The following TP63 variants were observed in gnomAD, a reference collection of about 807,000 sequenced individuals.
TP63 encodes the protein tumor protein p63.
TP63 carries 17 observed loss-of-function variants against 82.8 expected under a neutral mutation model. That is an observed-to-expected ratio of 0.21 (90% CI 0.14 to 0.31). TP63 has a LOEUF of 0.31. Ranked by LOEUF, TP63 falls within the 10% of genes least tolerant of loss-of-function variation. The pLI is 1.00. For missense variants in TP63, 648 were observed against 895.3 expected (o/e 0.72, Z 3.52); for synonymous variants, 330 against 321.7 (o/e 1.03, Z -0.28).
At chr3:189,679,716 T>C (rs982120974) in intron 1 of TP63, among the ~76,000 whole-genome samples, 1 of 152,160 alleles carries the variant, frequency 6.6e-6, no homozygotes, top group African/African-American at 2.4e-5. Context: ...CAGACTAATA[T>C]AAAGAAGACT....
chr3:189,690,860 CAT>C (rs763661280), intron 1 of TP63, among the ~76,000 whole-genome samples: 3 of 152,150 alleles, frequency 2.0e-5, no homozygotes, highest in South Asian at 2.1e-4. Flanking sequence ...CATATTTCCA[CAT>C]GTTTGGAGTT....
chr3:189,613,928 C>A, the TP63 span, among the ~76,000 whole-genome samples: 2 of 152,176 alleles, frequency 1.3e-5, no homozygotes, highest in Admixed American at 6.5e-5. Context: ...CCCATTGCAT[C>A]TAGGAAGTAA....
chr3:189,814,912 T>A (rs762248278), intron 4 of TP63, among the ~76,000 whole-genome samples: 4 of 152,220 alleles, frequency 2.6e-5, no homozygotes, highest in Non-Finnish European at 5.9e-5. Flanking sequence ...AACATTAAAC[T>A]GATCTTGATT....
At chr3:189,882,767 T>C (rs1720064037) in intron 10 of TP63, among the ~76,000 whole-genome samples, 1 of 152,182 alleles carries the variant, frequency 6.6e-6, no homozygotes, top group Non-Finnish European at 1.5e-5. Context: ...AAAACCTGAT[T>C]TGAAGTCCTA....
At chr3:189,770,032 T>TA (rs1366879804) in intron 3 of TP63, among the ~76,000 whole-genome samples, 2 of 152,234 alleles carry the variant, frequency 1.3e-5, no homozygotes, top group Admixed American at 6.5e-5. Flanking sequence ...GTGTTAAACA[T>TA]ATTATAAAGC....
intron 1 of TP63, among the ~76,000 whole-genome samples, chr3:189,733,964 TTTG>T (rs909823635): frequency 5.3e-5 from 8 of 152,166 alleles, no homozygotes; most frequent in Admixed American, 2.6e-4. Flanking sequence ...CCAATTTAAC[TTTG>T]TTAATTCCTT....
At chr3:189,852,115 G>A (rs1715710561) in intron 4 of TP63, among the ~76,000 whole-genome samples, 1 of 152,144 alleles carries the variant, frequency 6.6e-6, no homozygotes, top group Non-Finnish European at 1.5e-5. Context: ...AAAAGAGGAG[G>A]CAGAATTTAA....
chr3:189,816,548 A>T (rs556612906), intron 4 of TP63, among the ~76,000 whole-genome samples: 2 of 151,988 alleles, frequency 1.3e-5, no homozygotes, highest in East Asian at 1.9e-4. Flanking sequence ...ATATATAAAA[A>T]CCCCCTGGTT....
rs538054726 is a variant in TP63, at chr3:189,757,058, C to T, written c.324+18284C>T. ...TCCTTTGGCAAAATATGCATACATA[C>T]ATATATATATAGTTTCAATCTGTAA... is the stretch of plus-strand genomic sequence containing the variant. On this transcript the variant is annotated intron_variant, in intron 3 of 13. Transcript: ENST00000264731. Among the ~76,000 whole-genome samples, 4 of 152,156 alleles carry T rather than the reference C, an allele frequency of 2.6e-5. 1 individual carries two copies. In the East Asian group the frequency reaches 7.7e-4, roughly 29 times the overall value.
In TP63 at chr3:189,870,969, G is replaced by T. The variant is rs564428151; in HGVS notation, c.1212+1563G>T. On this transcript the variant is annotated intron_variant, in intron 9 of 13. Coordinates refer to ENST00000264731, the MANE Select transcript of TP63 (RefSeq NM_003722.5). ...AAATTGCCAGTAGACCAATCAGACG[G>T]TGAGTTAGCTGAGATTCCCAGTGTC... Among the ~76,000 whole-genome samples the T allele has an allele frequency of 2.6e-5, 4 of 152,262 alleles. No homozygotes were observed. The South Asian group carries it at 6.2e-4, about 24-fold the overall frequency.
At position 189,872,400 on chromosome 3, in the gene TP63, AACACACACACAC is replaced by A. The variant is rs60097753; in HGVS notation, c.1213-437_1213-426del. On this transcript the variant is annotated intron_variant, in intron 9 of 13. Coordinates refer to ENST00000264731, the MANE Select transcript of TP63 (RefSeq NM_003722.5). ...ACTCATGCCTGAATAAAGTTTCTCT[AACACACACACAC>A]ACACACACACACACACACACATATT... 7.1e-4 allele frequency among the ~76,000 whole-genome samples: 105 copies of A among 147,116 alleles called. 1 individual carries two copies. Among genetic ancestry groups the A allele is most frequent in the African/African-American group, 2.5e-3 (100 of 40,208 alleles).
chr3:189,891,325 A>G (rs992742075), intron 13 of TP63, among the ~76,000 whole-genome samples: 3 of 152,218 alleles, frequency 2.0e-5, no homozygotes, highest in Non-Finnish European at 2.9e-5. Flanking sequence ...ATTTAAAACA[A>G]AACTAGGAAT....
chr3:189,880,203 T>A, intron 10 of TP63: 2 of 1,608,492 alleles, frequency 1.2e-6, no homozygotes, highest in Non-Finnish European at 1.7e-6. Flanking sequence ...ATTTTAAGTG[T>A]GTGTGTTGTA....
chr3:189,875,589 C>T (rs372747898), intron 10 of TP63, among the ~76,000 whole-genome samples: 2 of 44,422 alleles, frequency 4.5e-5, no homozygotes, highest in African/African-American at 2.1e-4. Context: ...AAAAAAAATA[C>T]ATACATATAT....
At chr3:189,755,112 A>G (rs1560159973) in intron 3 of TP63, among the ~76,000 whole-genome samples, 1 of 152,140 alleles carries the variant, frequency 6.6e-6, no homozygotes, top group African/African-American at 2.4e-5. Flanking sequence ...TTGTATAGAT[A>G]AACAGTGTTT....
chr3:189,751,961 T>C (rs981760580), intron 3 of TP63, among the ~76,000 whole-genome samples: 12 of 152,296 alleles, frequency 7.9e-5, no homozygotes, highest in Admixed American at 2.6e-4. Flanking sequence ...TATTGTATAT[T>C]TGATATAATT....
intron 3 of TP63, among the ~76,000 whole-genome samples, chr3:189,757,166 T>C (rs1301765236): frequency 6.6e-6 from 1 of 152,202 alleles, no homozygotes; most frequent in Non-Finnish European, 1.5e-5. Flanking sequence ...GAGAAAACTA[T>C]TAAGATCCAA....
At chr3:189,713,482 AG>A (rs1718744794) in intron 1 of TP63, among the ~76,000 whole-genome samples, 1 of 152,146 alleles carries the variant, frequency 6.6e-6, no homozygotes, top group Non-Finnish European at 1.5e-5. Flanking sequence ...CCAAACGTTT[AG>A]GGGGTAATCT....
intron 1 of TP63, among the ~76,000 whole-genome samples, chr3:189,701,751 A>G (rs9812576): frequency 0.44 from 66,797 of 151,274 alleles, 15,106 homozygotes; most frequent in East Asian, 0.66. Context: ...ATCATTTACT[A>G]GATAAGTGAC....
Sources: allele counts gnomAD v4.1 joint callset (sites outside exome capture counted in the v4.1 genomes callset), GRCh38; gene constraint gnomAD v4.1.1; transcripts MANE v1.5; gene names NCBI Gene and HGNC (gene_info 2026-07-23, HGNC 2026-07-21).